The following HTR2A variants were observed in gnomAD, a reference collection of about 807,000 sequenced individuals.
HTR2A encodes the protein 5-hydroxytryptamine receptor 2A, also known as 5-HT2 receptor.
A neutral mutation model predicts 31.0 loss-of-function variants in HTR2A; 14 were observed. The ratio of observed to expected loss-of-function variants is 0.45; its 90% CI spans 0.30 to 0.71. HTR2A has a LOEUF of 0.71. Ranked by LOEUF, HTR2A falls within the 30% of genes least tolerant of loss-of-function variation. HTR2A has a pLI of 0.09. For synonymous variants in HTR2A, 209 were observed against 225.2 expected (o/e 0.93, Z 0.64); for missense variants, 442 against 573.3 (o/e 0.77, Z 2.34).
chr13:46,868,314 G>T (rs958523298), intron 3 of HTR2A, among the ~76,000 whole-genome samples: 12 of 152,186 alleles, frequency 7.9e-5, no homozygotes, highest in African/African-American at 2.9e-4. Context: ...GTCTTAAGAT[G>T]AAGTGGAAAG....
rs7997012 is a variant in HTR2A at position 46,837,850 on chromosome 13, A to G, written c.614-2211T>C. ...TGCCATTATCTTCAAAGACTTAATT[A>G]ACAATATTTGTCACTTGCCTATGCA... On this transcript the variant is annotated intron_variant, in intron 3 of 3. Coordinates refer to ENST00000542664, the MANE Select transcript of HTR2A (RefSeq NM_000621.5). Among the ~76,000 whole-genome samples, 104,464 of 152,198 alleles carry G rather than the reference A, an allele frequency of 0.69. 37,960 individuals carry two copies. The highest frequency in any genetic ancestry group is 0.93 in the African/African-American group (38,513 of 41,558).
intron 3 of HTR2A, among the ~76,000 whole-genome samples, chr13:46,883,203 A>T (rs1950980415): frequency 6.6e-6 from 1 of 151,686 alleles, no homozygotes; most frequent in African/African-American, 2.4e-5. Flanking sequence ...TTCCTGAAAC[A>T]TCTGCACTGT....
chr13:46,854,653 C>T (rs576864220), intron 3 of HTR2A, among the ~76,000 whole-genome samples: 6 of 152,116 alleles, frequency 3.9e-5, no homozygotes, highest in Non-Finnish European at 7.3e-5. Context: ...GAAAGTTGCC[C>T]TGGGGTTGTA....
rs1265311044 is a variant in HTR2A at position 46,892,454 on chromosome 13, GT to G, written c.548del (p.His183ProfsTer12). 6.2e-7 allele frequency: 1 copy of G among 1,614,264 alleles called. No homozygotes were observed. Among genetic ancestry groups the G allele is most frequent in the Non-Finnish European group, 8.5e-7 (1 of 1,180,046 alleles). On this transcript the variant is annotated frameshift_variant, in exon 3 of 4. Coordinates refer to ENST00000542664, the MANE Select transcript of HTR2A (RefSeq NM_000621.5). LOFTEE classifies it high-confidence loss of function. ...CCTTAGTTCTGGAGTTGAAGCGGCT[GT>G]GGTGGATGGGATTCTGGATGGCGAC... is the stretch of plus-strand genomic sequence containing the variant. The part of the protein sequence containing the change: ...RYVAIQNPIH[H>X]SRFNSRTKAF...
intron 3 of HTR2A, among the ~76,000 whole-genome samples, chr13:46,886,609 A>G (rs9534505): frequency 0.88 from 133,404 of 152,122 alleles, 58,689 homozygotes; most frequent in East Asian, 0.95. Flanking sequence ...TTAGTACCAC[A>G]TAAAGCAGAA....
intron 3 of HTR2A, among the ~76,000 whole-genome samples, chr13:46,844,354 C>T (rs1358078714): frequency 6.6e-6 from 1 of 152,186 alleles, no homozygotes; most frequent in Non-Finnish European, 1.5e-5. Context: ...TTTCGTAATG[C>T]TTCCCTTCAT....
intron 3 of HTR2A, among the ~76,000 whole-genome samples, chr13:46,882,484 TAAAAC>T (rs1229778279): frequency 1.3e-5 from 2 of 152,150 alleles, no homozygotes; most frequent in African/African-American, 4.8e-5. Flanking sequence ...CTTAAATTTA[TAAAAC>T]AAAACCATAA....
chr13:46,895,691 C>A lies in HTR2A; in HGVS notation c.216G>T (p.Gln72His). 1.2e-6 allele frequency: 2 copies of A among 1,613,956 alleles called. No homozygotes were observed. The highest frequency in any genetic ancestry group is 1.1e-5 in the South Asian group (1 of 91,072). ...TCAGTAAAGCAGACCAGTTTTTTTC[C>A]TGGAGATGAAGTAAGGAGAGACACG... ...SPSCLSLLHLQEKNWSALLTA... is the reference protein window; with the variant it reads ...SPSCLSLLHLHEKNWSALLTA... The change falls in exon 2 of 4, where the codon CAG becomes CAT. Residue 72 changes from glutamine to histidine, a missense_variant. Gln to His is a conservative substitution (Grantham distance 24, BLOSUM62 0). Around this residue, in one of 5 missense-constraint regions of HTR2A, gnomAD observed 83 missense variants for 84.8 expected, o/e 0.98. Transcript: ENST00000542664. The surrounding 1 kb of genome is among the most constrained non-coding windows in gnomAD (Gnocchi z 4.4).
intron 3 of HTR2A, among the ~76,000 whole-genome samples, chr13:46,876,657 C>A (rs1172798860): frequency 6.6e-6 from 1 of 151,854 alleles, no homozygotes; most frequent in Admixed American, 6.6e-5. Flanking sequence ...ACCTTGTGAT[C>A]CATCCGCCTC....
chr13:46,843,778 G>A (rs1463575307), intron 3 of HTR2A, among the ~76,000 whole-genome samples: 1 of 152,152 alleles, frequency 6.6e-6, no homozygotes, highest in Non-Finnish European at 1.5e-5. Context: ...GGGGCTCCAG[G>A]ATTTCTATGT....
In HTR2A at chr13:46,835,723, T is replaced by G. The variant is rs888454020; in HGVS notation, c.614-84A>C. The G allele has an allele frequency of 5.0e-6, 5 of 1,008,036 alleles. No individual in the cohort carries two copies. The Admixed American group carries it at 7.4e-5, about 15-fold the overall frequency. The allele number at this position is 1,008,036 out of a possible 1,614,324, so 62.4% of individuals were successfully genotyped here. On this transcript the variant is annotated intron_variant, in intron 3 of 3. Coordinates refer to ENST00000542664, the MANE Select transcript of HTR2A (RefSeq NM_000621.5). ...AGCATCATCACATAATATTGGCTAT[T>G]GAAAAGATTTTATATCATCGTTTAA... is the stretch of plus-strand genomic sequence containing the variant.
chr13:46,853,362 C>T (rs1424166562), intron 3 of HTR2A, among the ~76,000 whole-genome samples: 1 of 152,108 alleles, frequency 6.6e-6, no homozygotes, highest in African/African-American at 2.4e-5. Context: ...ACTCCCAATC[C>T]CCTAACCCTT....
At chr13:46,848,736 G>T (rs1210706630) in intron 3 of HTR2A, among the ~76,000 whole-genome samples, 1 of 152,092 alleles carries the variant, frequency 6.6e-6, no homozygotes, top group Non-Finnish European at 1.5e-5. Context: ...TTAGAATCTG[G>T]ACCTTATGAA....
intron 3 of HTR2A, among the ~76,000 whole-genome samples, chr13:46,854,922 G>T (rs1950720372): frequency 6.6e-6 from 1 of 152,126 alleles, no homozygotes; most frequent in Non-Finnish European, 1.5e-5. Context: ...ATTAGGGTGG[G>T]CCCTAATCCA....
At chr13:46,851,142 A>G (rs1255197118) in intron 3 of HTR2A, among the ~76,000 whole-genome samples, 2 of 152,220 alleles carry the variant, frequency 1.3e-5, no homozygotes, top group Non-Finnish European at 2.9e-5. Context: ...TGGGTGTACA[A>G]ACACTATGTC....
intron 3 of HTR2A, among the ~76,000 whole-genome samples, chr13:46,852,539 A>T (rs1950694903): frequency 6.6e-6 from 1 of 152,256 alleles, no homozygotes; most frequent in African/African-American, 2.4e-5. Flanking sequence ...ATGAGCTATG[A>T]TGCCATTCAG....
Position 46,834,946 on chromosome 13 carries a change from G to C in HTR2A, c.1307C>G (p.Ala436Gly), listed in dbSNP as rs145449685. 6.2e-7 allele frequency: 1 copy of C among 1,613,890 alleles called. No individual in the cohort carries two copies. Among genetic ancestry groups the C allele is most frequent in the Non-Finnish European group, 8.5e-7 (1 of 1,179,936 alleles). ...MGQKKNSKQDAKTTDNDCSMV... is the reference protein window; with the variant it reads ...MGQKKNSKQDGKTTDNDCSMV... Reference sequence around the variant, plus strand: ...TGAGCAGTCATTATCTGTTGTCTTGGCATCTTGCTTTGAATTCTTTTTTTG... The same window carrying C: ...TGAGCAGTCATTATCTGTTGTCTTGCCATCTTGCTTTGAATTCTTTTTTTG... Residue 436 changes from alanine to glycine, a missense_variant, in exon 4 of 4, where the codon GCC (alanine) becomes GGC (glycine). Ala to Gly is a moderately conservative substitution (Grantham distance 60). Around this residue, in one of 5 missense-constraint regions of HTR2A, gnomAD observed 88 missense variants for 83.1 expected, o/e 1.06. Transcript: ENST00000542664.
intron 3 of HTR2A, among the ~76,000 whole-genome samples, chr13:46,874,678 T>G (rs1322730008): frequency 6.6e-6 from 1 of 152,266 alleles, no homozygotes; most frequent in Admixed American, 6.5e-5. Flanking sequence ...CACTGGCATC[T>G]AACACAAAAT....
intron 3 of HTR2A, among the ~76,000 whole-genome samples, chr13:46,877,924 G>A (rs1950928189): frequency 6.6e-6 from 1 of 152,058 alleles, no homozygotes; most frequent in Non-Finnish European, 1.5e-5. Flanking sequence ...GGAGTGAAAT[G>A]ACATGAGAAT....
Sources: gnomAD v4.1 joint callset for allele counts (sites outside exome capture counted in the v4.1 genomes callset) on GRCh38, gnomAD v4.1.1 for gene constraint, gnomAD v4.1.1 regional missense constraint, Gnocchi (gnomAD v3.1) non-coding constraint, MANE v1.5 for transcripts, NCBI Gene and HGNC (gene_info 2026-07-23, HGNC 2026-07-21) for gene names.